KHDRBS2: variants seen among roughly 807,000 people sequenced by gnomAD.
KHDRBS2 encodes KH RNA binding domain containing, signal transduction associated 2.
In KHDRBS2, 26 loss-of-function variants were observed where a neutral mutation model predicts 44.3. The observed-to-expected ratio is 0.59, with a 90% CI of 0.43 to 0.81. KHDRBS2 has a LOEUF of 0.81. Ranked by LOEUF, KHDRBS2 falls within the 40% of genes least tolerant of loss-of-function variation. The pLI, the probability that KHDRBS2 is intolerant of heterozygous loss-of-function variation, is 0.00. For synonymous variants in KHDRBS2, 194 were observed against 151.1 expected, an observed-to-expected ratio of 1.28 and a Z score of -2.08; for missense variants, 476 against 433.1, an observed-to-expected ratio of 1.10 and a Z score of -0.88.
At chr6:62,284,780 C>T (rs1248679690) in intron 1 of KHDRBS2, among the ~76,000 whole-genome samples, 1 of 152,006 alleles carries the variant, frequency 6.6e-6, no homozygotes, top group Non-Finnish European at 1.5e-5. Flanking sequence ...TAGCTAATGC[C>T]TATTTAAATC....
intron 2 of KHDRBS2, among the ~76,000 whole-genome samples, chr6:62,139,011 CTGTTCTTTT>C (rs1469100413): frequency 6.6e-6 from 1 of 152,034 alleles, no homozygotes; most frequent in Non-Finnish European, 1.5e-5. Flanking sequence ...AAATACAATG[CTGTTCTTTT>C]TATCATGAAA....
At chr6:61,864,548 T>A (rs777051122) in intron 6 of KHDRBS2, among the ~76,000 whole-genome samples, 3 of 152,186 alleles carry the variant, frequency 2.0e-5, no homozygotes, top group Non-Finnish European at 4.4e-5. Context: ...GATATAAAAT[T>A]TGGAGTTGAA....
At chr6:61,657,177 C>T in the KHDRBS2 span, among the ~76,000 whole-genome samples, 4 of 151,950 alleles carry the variant, frequency 2.6e-5, no homozygotes, top group Non-Finnish European at 5.9e-5. Flanking sequence ...AAGTGGCTGT[C>T]ATCATTATCA....
At chr6:62,042,110 A>AAT (rs1322776029) in intron 3 of KHDRBS2, among the ~76,000 whole-genome samples, 2 of 152,046 alleles carry the variant, frequency 1.3e-5, no homozygotes, top group Admixed American at 6.6e-5. Context: ...TATTCCCACA[A>AAT]ATATATATAT....
At chr6:61,892,875 T>C (rs886869503) in intron 6 of KHDRBS2, among the ~76,000 whole-genome samples, 3 of 152,060 alleles carry the variant, frequency 2.0e-5, no homozygotes, top group African/African-American at 7.2e-5. Flanking sequence ...CCAAAAGCAA[T>C]GGCAACAAAA....
chr6:62,023,493 G>C (rs1470078590), intron 3 of KHDRBS2, among the ~76,000 whole-genome samples: 1 of 151,342 alleles, frequency 6.6e-6, no homozygotes, highest in Non-Finnish European at 1.5e-5. Flanking sequence ...TTCTTGTTTA[G>C]CTAAGAGAAA....
intron 2 of KHDRBS2, among the ~76,000 whole-genome samples, chr6:62,145,632 G>A (rs74407885): frequency 0.02 from 3,067 of 151,786 alleles, 95 homozygotes; most frequent in African/African-American, 0.069. Flanking sequence ...ATTAATTCTA[G>A]TTTAATCATA....
chr6:61,686,304 T>C (rs948491596), intron 8 of KHDRBS2, among the ~76,000 whole-genome samples: 4 of 151,878 alleles, frequency 2.6e-5, no homozygotes, highest in Middle Eastern at 3.4e-3. Context: ...GTGTTTTTGC[T>C]TTGCAAATCA....
the KHDRBS2 span, among the ~76,000 whole-genome samples, chr6:61,599,581 T>C: frequency 1.3e-5 from 2 of 152,304 alleles, no homozygotes; most frequent in East Asian, 3.9e-4. Flanking sequence ...CAGTATTCCA[T>C]GAATTTATGG....
the KHDRBS2 span, chr6:61,661,279 C>T: frequency 6.6e-6 from 1 of 151,818 alleles, no homozygotes; most frequent in Non-Finnish European, 1.5e-5. Context: ...TGAAGGGACT[C>T]ACCTCCATTG....
At chr6:62,183,594 A>G (rs1822803845) in intron 1 of KHDRBS2, among the ~76,000 whole-genome samples, 1 of 151,696 alleles carries the variant, frequency 6.6e-6, no homozygotes, top group Non-Finnish European at 1.5e-5. Context: ...AAATTTTCAG[A>G]ATCCAGATAC....
intron 6 of KHDRBS2, among the ~76,000 whole-genome samples, chr6:61,767,545 C>T (rs1780194501): frequency 6.6e-6 from 1 of 151,968 alleles, no homozygotes; most frequent in South Asian, 2.1e-4. Flanking sequence ...CTTTCACCCA[C>T]CTTCCTATTT....
the KHDRBS2 span, among the ~76,000 whole-genome samples, chr6:61,655,996 G>C: frequency 6.6e-6 from 1 of 152,054 alleles, no homozygotes; most frequent in African/African-American, 2.4e-5. Context: ...ACTGCCTAGA[G>C]AGAAATCTGA....
At chr6:61,957,949 T>C (rs1256723081) in intron 4 of KHDRBS2, among the ~76,000 whole-genome samples, 1 of 152,142 alleles carries the variant, frequency 6.6e-6, no homozygotes, top group African/African-American at 2.4e-5. Context: ...ACTCTGTCCC[T>C]TTATTTCTCA....
At chr6:61,709,443 A>T (rs1440529758) in intron 7 of KHDRBS2, among the ~76,000 whole-genome samples, 1 of 151,600 alleles carries the variant, frequency 6.6e-6, no homozygotes, top group Non-Finnish European at 1.5e-5. Context: ...ATTTTGCCTC[A>T]TTTGAGGCAA....
intron 3 of KHDRBS2, among the ~76,000 whole-genome samples, chr6:61,991,178 A>C (rs1321409308): frequency 2.6e-5 from 4 of 152,208 alleles, no homozygotes; most frequent in African/African-American, 9.7e-5. Context: ...TCCATTAAAA[A>C]ATTTTCACTA....
chr6:62,268,813 C>T (rs73488988), intron 1 of KHDRBS2, among the ~76,000 whole-genome samples: 5,621 of 151,752 alleles, frequency 0.037, 357 homozygotes, highest in African/African-American at 0.13. Flanking sequence ...AAACAAATAC[C>T]ATGCTTAATA....
intron 6 of KHDRBS2, among the ~76,000 whole-genome samples, chr6:61,851,056 G>A (rs1795333360): frequency 1.3e-5 from 2 of 152,020 alleles, no homozygotes; most frequent in Admixed American, 1.3e-4. Context: ...AACTGTAGCA[G>A]CAGCCTCACA....
intron 2 of KHDRBS2, among the ~76,000 whole-genome samples, chr6:62,060,877 G>A (rs1791662253): frequency 1.3e-5 from 2 of 151,742 alleles, no homozygotes; most frequent in Admixed American, 1.3e-4. Flanking sequence ...ATCAATATAT[G>A]CCCCAGATGT....
Sources: gnomAD v4.1 joint callset for allele counts (sites outside exome capture counted in the v4.1 genomes callset) on GRCh38, gnomAD v4.1.1 for gene constraint, MANE v1.5 for transcripts, NCBI Gene and HGNC (gene_info 2026-07-23, HGNC 2026-07-21) for gene names.